TIAM2: variants seen among roughly 807,000 people sequenced by gnomAD.
The protein encoded by TIAM2 is rho guanine nucleotide exchange factor TIAM2.
TIAM2 carries 80 observed loss-of-function variants against 152.9 expected under a neutral mutation model. That is an observed-to-expected ratio of 0.52 (90% CI 0.44 to 0.63). The LOEUF is 0.63. Among genes scored for constraint, TIAM2 ranks in the 30% least tolerant of loss-of-function variants. TIAM2 has a pLI of 0.00. For missense variants in TIAM2, 1,965 were observed against 2,120.1 expected (o/e 0.93, Z 1.44); for synonymous variants, 804 against 838.0 (o/e 0.96, Z 0.70).
chr6:155,100,371 G>A (rs1395444857), intron 2 of TIAM2, among the ~76,000 whole-genome samples: 1 of 152,154 alleles, frequency 6.6e-6, no homozygotes, highest in Non-Finnish European at 1.5e-5. Flanking sequence ...AACGGAGAAT[G>A]GTGGGGGATC....
At chr6:155,019,227 G>A (rs1157790405) in intron 1 of TIAM2, among the ~76,000 whole-genome samples, 2 of 151,916 alleles carry the variant, frequency 1.3e-5, no homozygotes, top group East Asian at 1.9e-4. Flanking sequence ...CCAGCTACTC[G>A]AGAGGCTGAG....
At chr6:155,108,395 A>T (rs1458095797) in intron 2 of TIAM2, among the ~76,000 whole-genome samples, 2 of 152,154 alleles carry the variant, frequency 1.3e-5, no homozygotes, top group African/African-American at 4.8e-5. Context: ...GCCAGCAAGC[A>T]CTGAGAGCAG....
intron 9 of TIAM2, among the ~76,000 whole-genome samples, chr6:155,173,704 G>A (rs775279209): frequency 2.6e-5 from 4 of 152,214 alleles, no homozygotes; most frequent in Non-Finnish European, 2.9e-5. Flanking sequence ...GAATGAGGAT[G>A]CAGAAGACAA....
chr6:155,182,585 C>T (rs901342396), intron 13 of TIAM2, among the ~76,000 whole-genome samples: 1 of 152,046 alleles, frequency 6.6e-6, no homozygotes, highest in Non-Finnish European at 1.5e-5. Flanking sequence ...CAGAGTGAGA[C>T]TCCTGCCTCC....
chr6:155,138,422 T>C (rs1779607708), intron 5 of TIAM2, among the ~76,000 whole-genome samples: 1 of 151,062 alleles, frequency 6.6e-6, no homozygotes, highest in African/African-American at 2.5e-5. Flanking sequence ...CACTAACAAG[T>C]GCAGCCGTCT....
intron 22 of TIAM2, 60 bp from the exon 23 acceptor site, chr6:155,251,885 G>C: frequency 1.3e-5 from 18 of 1,381,418 alleles, no homozygotes; most frequent in Admixed American, 1.9e-5. Context: ...TTCAGCTCTA[G>C]TTTAACCTTG....
chr6:155,168,695 T>C, intron 9 of TIAM2: 1 of 636,636 alleles, frequency 1.6e-6, no homozygotes, highest in Admixed American at 3.6e-5. Context: ...AAATAAAAAC[T>C]TTAAGTGTAT....
At chr6:155,140,363 A>G (rs575058573) in intron 5 of TIAM2, among the ~76,000 whole-genome samples, 1 of 152,276 alleles carries the variant, frequency 6.6e-6, no homozygotes, top group East Asian at 1.9e-4. Flanking sequence ...TCCTAGTCAC[A>G]TGATGTGAAT....
intron 9 of TIAM2, among the ~76,000 whole-genome samples, chr6:155,170,039 G>A (rs1160913951): frequency 6.6e-6 from 1 of 151,924 alleles, no homozygotes; most frequent in East Asian, 1.9e-4. Context: ...GGCTGGTCTT[G>A]AACTCCTGAC....
rs778666004 is a variant in TIAM2 at position 155,248,194 on chromosome 6, G to T, written c.3832+15G>T. ...CCACCTGACGGGTGAGGCGGCGGCG[G>T]CACCTCCGGGCGAGGGCCTGCACAG... On this transcript the variant is annotated intron_variant, in intron 20 of 26. Transcript: ENST00000682666. The T allele has an allele frequency of 2.5e-6, 4 of 1,608,796 alleles. No homozygotes were observed. In the East Asian group the frequency reaches 6.7e-5, roughly 27 times the overall value.
At chr6:155,035,424 T>C (rs1379829266) in intron 1 of TIAM2, among the ~76,000 whole-genome samples, 1 of 152,146 alleles carries the variant, frequency 6.6e-6, no homozygotes, top group African/African-American at 2.4e-5. Flanking sequence ...TTTTGCTATG[T>C]TGATCAGGCT....
At chr6:155,020,243 C>A (rs1014858266) in intron 1 of TIAM2, among the ~76,000 whole-genome samples, 1 of 152,094 alleles carries the variant, frequency 6.6e-6, no homozygotes, top group African/African-American at 2.4e-5. Context: ...TCTAAAGAAA[C>A]CTGTGGAAAT....
At chr6:155,119,022 C>T (rs1214609013) in intron 2 of TIAM2, among the ~76,000 whole-genome samples, 1 of 151,292 alleles carries the variant, frequency 6.6e-6, no homozygotes, top group East Asian at 1.9e-4. Flanking sequence ...ACTTCCCTTC[C>T]CTTCCATTCC....
intron 15 of TIAM2, among the ~76,000 whole-genome samples, chr6:155,225,236 A>C (rs775210859): frequency 3.7e-4 from 57 of 152,286 alleles, no homozygotes; most frequent in Non-Finnish European, 7.5e-4. Context: ...GATTACAGGC[A>C]TGAGCCAATG....
chr6:155,117,760 C>G (rs1779049161), intron 2 of TIAM2, among the ~76,000 whole-genome samples: 2 of 152,242 alleles, frequency 1.3e-5, no homozygotes, highest in East Asian at 3.9e-4. Flanking sequence ...TTCTCTCTTA[C>G]TGATTCTCCA....
At chr6:155,210,638 A>G (rs907836493) in intron 14 of TIAM2, among the ~76,000 whole-genome samples, 9 of 152,142 alleles carry the variant, frequency 5.9e-5, no homozygotes, top group African/African-American at 2.2e-4. Flanking sequence ...CACCTGGCCC[A>G]TATTATTTCT....
At chr6:155,170,044 C>T (rs752624044) in intron 9 of TIAM2, among the ~76,000 whole-genome samples, 3 of 152,058 alleles carry the variant, frequency 2.0e-5, no homozygotes, top group Non-Finnish European at 4.4e-5. Context: ...GTCTTGAACT[C>T]CTGACGTCGC....
At chr6:155,050,190 C>A (rs561130510) in intron 1 of TIAM2, among the ~76,000 whole-genome samples, 1 of 152,248 alleles carries the variant, frequency 6.6e-6, no homozygotes, top group South Asian at 2.1e-4. Context: ...CGCCACCATG[C>A]CTGACTAATT....
intron 15 of TIAM2, among the ~76,000 whole-genome samples, chr6:155,237,925 C>T (rs984416632): frequency 1.3e-5 from 2 of 152,254 alleles, no homozygotes; most frequent in Non-Finnish European, 2.9e-5. Context: ...TGGGGATTAA[C>T]ATTCAGTCCC....
Sources: gnomAD v4.1 joint callset for allele counts (sites outside exome capture counted in the v4.1 genomes callset) on GRCh38, gnomAD v4.1.1 for gene constraint, MANE v1.5 for transcripts, NCBI Gene and HGNC (gene_info 2026-07-23, HGNC 2026-07-21) for gene names.